The following BRCA1 variants were observed in gnomAD, a reference collection of about 807,000 sequenced individuals.
BRCA1 encodes the protein BRCA1 DNA repair associated.
BRCA1 carries 140 observed loss-of-function variants against 173.7 expected under a neutral mutation model. The ratio of observed to expected loss-of-function variants is 0.81; its 90% CI spans 0.70 to 0.93. The LOEUF is 0.93. Among genes scored for constraint, BRCA1 ranks in the 40% least tolerant of loss-of-function variants. The pLI, the probability that BRCA1 is intolerant of heterozygous loss-of-function variation, is 0.00. For missense variants in BRCA1, 1,983 were observed against 2,172.5 expected, an observed-to-expected ratio of 0.91 and a Z score of 1.73; for synonymous variants, 662 against 756.0, an observed-to-expected ratio of 0.88 and a Z score of 2.04.
intron 8 of BRCA1, among the ~76,000 whole-genome samples, chr17:43,096,393 A>AAAAAAAAAAAAAC (rs1555593762): frequency 6.7e-6 from 1 of 149,796 alleles, no homozygotes; most frequent in Non-Finnish European, 1.5e-5. Context: ...AAAAAAAAAA[A>AAAAAAAAAAAAAC]AGAGAGAAAG....
At chr17:43,144,209 C>T (rs1385731572) in intron 1 of BRCA1, 7 of 326,822 alleles carry the variant, frequency 2.1e-5, no homozygotes, top group Admixed American at 3.4e-5. Flanking sequence ...GGTGACAGAG[C>T]GAGACTCCAT....
In BRCA1 at chr17:43,082,581, A is replaced by G. The variant is rs2053072541; in HGVS notation, c.4186-6T>C. 6.2e-7 allele frequency: 1 copy of G among 1,614,120 alleles called. No homozygotes were observed. The highest frequency in any genetic ancestry group is 8.5e-7 in the Non-Finnish European group (1 of 1,179,994). ...TGTTGCATGGTATCCCTCTGCTTCA[A>G]AAACGATAAATGGCACCAAGAAAAT... On this transcript the variant is annotated splice_polypyrimidine_tract_variant and splice_region_variant and intron_variant, in intron 11 of 22. Coordinates refer to ENST00000357654, the MANE Select transcript of BRCA1 (RefSeq NM_007294.4).
intron 1 of BRCA1, chr17:43,164,568 T>A (rs1214750290): frequency 6.6e-6 from 1 of 152,242 alleles, no homozygotes; most frequent in Non-Finnish European, 1.5e-5. Context: ...ATAGAATAGA[T>A]GAAAAGAGAT....
rs1555584217 is a variant in BRCA1, at chr17:43,082,531, T to C, written c.4230A>G (p.Glu1410=). The stretch of plus-strand genomic sequence containing the variant: ...CTAACACAGCTTCTAGTTCAGCCAT[T>C]TCCTGCTGGAGCTTTATCAGGTTAT... The part of the protein sequence containing the change: ...MQHNLIKLQQ[E]MAELEAVLEQ... Residue 1410 remains glutamate, a synonymous_variant, in exon 12 of 23, where the codon GAA becomes GAG. Transcript: ENST00000357654. 2 of 1,614,214 alleles carry C rather than the reference T, an allele frequency of 1.2e-6. No individual in the cohort carries two copies. The highest frequency in any genetic ancestry group is 2.7e-5 in the African/African-American group (2 of 75,060).
intron 1 of BRCA1, among the ~76,000 whole-genome samples, chr17:43,154,461 G>A (rs1055730020): frequency 6.6e-6 from 1 of 151,950 alleles, no homozygotes; most frequent in Non-Finnish European, 1.5e-5. Flanking sequence ...TCCAGCTTGG[G>A]TGACAGAGCT....
At chr17:43,155,556 T>C (rs1229336031) in intron 1 of BRCA1, among the ~76,000 whole-genome samples, 1 of 150,544 alleles carries the variant, frequency 6.6e-6, no homozygotes, top group Non-Finnish European at 1.5e-5. Flanking sequence ...GGAGATGGAG[T>C]CTCACTCACT....
intron 2 of BRCA1, among the ~76,000 whole-genome samples, chr17:43,116,542 G>C (rs866603701): frequency 1.3e-5 from 2 of 152,032 alleles, no homozygotes; most frequent in Non-Finnish European, 2.9e-5. Context: ...TTTTGAGATG[G>C]GGTTTTGCTT....
chr17:43,070,700 A>T (rs1228196634), intron 15 of BRCA1, among the ~76,000 whole-genome samples: 4 of 152,226 alleles, frequency 2.6e-5, no homozygotes, highest in South Asian at 2.1e-4. Context: ...CTTTTCCACT[A>T]ATATTTAATA....
upstream of BRCA1, among the ~76,000 whole-genome samples, chr17:43,126,459 A>G (rs1482532000): frequency 6.6e-6 from 1 of 152,144 alleles, no homozygotes; most frequent in African/African-American, 2.4e-5. Context: ...CTGGTAAGGA[A>G]GCAGCCTGGG....
intron 4 of BRCA1, 111 bp from the exon 5 acceptor site, chr17:43,105,067 A>T: frequency 1.2e-6 from 1 of 842,636 alleles, no homozygotes; most frequent in Non-Finnish European, 2.0e-6. Flanking sequence ...CAGCAACAGT[A>T]GAAAACCTCT....
intron 1 of BRCA1, among the ~76,000 whole-genome samples, chr17:43,145,650 A>G (rs2056117254): frequency 6.6e-6 from 1 of 152,094 alleles, no homozygotes; most frequent in Non-Finnish European, 1.5e-5. Flanking sequence ...TTTATCAACT[A>G]TTTTGTAAAT....
chr17:43,088,951 A>ATGT (rs2053336905), intron 11 of BRCA1, among the ~76,000 whole-genome samples: 1 of 152,176 alleles, frequency 6.6e-6, no homozygotes, highest in Non-Finnish European at 1.5e-5. Context: ...ATAAATGAAA[A>ATGT]AAATAAACTG....
In BRCA1 at chr17:43,091,505, T is replaced by G. The variant is rs80356828; in HGVS notation, c.4026A>C (p.Ser1342=). ...AGCCCGTTCCTCTTTCTTCATCATC[T>G]GAAACCAATTCCTTGTCACTCAGAC... ...GVGLSDKELV[S]DDEERGTGLE... is the part of the protein sequence containing the mutation. Residue 1342 remains serine (S), a synonymous_variant, in exon 10 of 23, where the codon TCA becomes TCC. Coordinates refer to ENST00000357654, the MANE Select transcript of BRCA1 (RefSeq NM_007294.4). The G allele has an allele frequency of 3.1e-6, 5 of 1,613,810 alleles. No individual in the cohort carries two copies. In the Middle Eastern group the frequency reaches 5.0e-4, roughly 160 times the overall value.
At chr17:43,077,314 C>T (rs560390912) in intron 12 of BRCA1, among the ~76,000 whole-genome samples, 39 of 150,028 alleles carry the variant, frequency 2.6e-4, no homozygotes, top group African/African-American at 8.8e-4. Context: ...ATACTGAAGG[C>T]AAAGTTCTGG....
intron 13 of BRCA1, 95 bp from the exon 14 acceptor site, chr17:43,074,616 A>C: frequency 7.2e-5 from 83 of 1,147,398 alleles, no homozygotes; most frequent in Non-Finnish European, 9.3e-5. Context: ...GAAACAGCTC[A>C]TGTCAGAGAG....
rs80357686 is a variant in BRCA1 at position 43,092,241 on chromosome 17, CTT to C, written c.3288_3289del (p.Leu1098SerfsTer4). 1 of 1,613,588 alleles carries C rather than the reference CTT, an allele frequency of 6.2e-7. No individual in the cohort carries two copies. The highest frequency in any genetic ancestry group is 8.5e-7 in the Non-Finnish European group (1 of 1,179,938). On this transcript the variant is annotated frameshift_variant, in exon 10 of 23. Coordinates refer to ENST00000357654, the MANE Select transcript of BRCA1 (RefSeq NM_007294.4). LOFTEE classifies it high-confidence loss of function. Reference sequence around the variant, plus strand: ...ATGCTTACAATTACTTCCAGGAAGACTTTGTTTATAGACCTCAGGTTGCAAAA... The same window carrying C: ...ATGCTTACAATTACTTCCAGGAAGACTGTTTATAGACCTCAGGTTGCAAAA...
chr17:43,063,504 C>G (rs1483587832), intron 17 of BRCA1, 131 bp from the exon 18 acceptor site: 1 of 766,668 alleles, frequency 1.3e-6, no homozygotes. Context: ...CCTCTAAAGC[C>G]ACAGCCCTTT....
At chr17:43,163,117 A>T (rs1390965035) in intron 1 of BRCA1, 1 of 152,216 alleles carries the variant, frequency 6.6e-6, no homozygotes, top group African/African-American at 2.4e-5. Flanking sequence ...GGGCCTTTAT[A>T]TTCAGGTTTT....
intron 12 of BRCA1, among the ~76,000 whole-genome samples, chr17:43,080,106 A>G (rs2052936030): frequency 6.6e-6 from 1 of 152,166 alleles, no homozygotes; most frequent in Non-Finnish European, 1.5e-5. Context: ...TCAGAATATT[A>G]TTGTAGTTCC....
Sources: gnomAD v4.1 joint callset for allele counts (sites outside exome capture counted in the v4.1 genomes callset) on GRCh38, gnomAD v4.1.1 for gene constraint, MANE v1.5 for transcripts, NCBI Gene and HGNC (gene_info 2026-07-23, HGNC 2026-07-21) for gene names.